The following SETD3 variants were observed in gnomAD, a reference collection of about 807,000 sequenced individuals.
The protein encoded by SETD3 is actin-histidine N-methyltransferase.
SETD3 carries 19 observed loss-of-function variants against 63.0 expected under a neutral mutation model. The observed-to-expected ratio is 0.30, with a 90% CI of 0.21 to 0.44. SETD3 has a LOEUF of 0.44. Ranked by LOEUF, SETD3 falls within the 20% of genes least tolerant of loss-of-function variation. SETD3 has a pLI of 1.00. For synonymous variants in SETD3, 286 were observed against 264.1 expected (o/e 1.08, Z -0.80); for missense variants, 587 against 728.5 (o/e 0.81, Z 2.24).
rs560231262 is a variant in SETD3 at position 99,442,791 on chromosome 14, G to T, written c.675+15488C>A. On this transcript the variant is annotated intron_variant, in intron 6 of 12. Transcript: ENST00000331768. ...AGTTTTGGGGAGTTAGAAGTTATATGGATTTCGACTGCATGGGGTGGGGTC... is the reference window on the plus strand; with the variant it reads ...AGTTTTGGGGAGTTAGAAGTTATATTGATTTCGACTGCATGGGGTGGGGTC... 4.6e-5 allele frequency among the ~76,000 whole-genome samples: 7 copies of T among 152,304 alleles called. No homozygotes were observed. The South Asian group carries it at 1.5e-3, about 32-fold the overall frequency.
At position 99,405,303 on chromosome 14, in the gene SETD3, A is replaced by G; in HGVS notation, c.993T>C (p.Asn331=). The G allele has an allele frequency of 1.2e-6, 2 of 1,603,134 alleles. No individual in the cohort carries two copies. The highest frequency in any genetic ancestry group is 1.7e-6 in the Non-Finnish European group (2 of 1,173,660). Residue 331 remains asparagine (N), a synonymous_variant, in exon 10 of 13, where the codon AAT becomes AAC. Transcript: ENST00000331768. The part of the protein sequence containing the change: ...FVIHSGFFFD[N]NSHDRVKIKL... ...TTATTTTCACTCTGTCGTGTGAGTT[A>G]TTGTCAAAGAAAAAACCACTGTGGA...
chr14:99,457,678 G>C (rs1894835763), intron 6 of SETD3, among the ~76,000 whole-genome samples: 1 of 152,166 alleles, frequency 6.6e-6, no homozygotes, highest in Non-Finnish European at 1.5e-5. Context: ...TGTGGTACTG[G>C]CCCTGTTCCT....
At position 99,413,015 on chromosome 14, in the gene SETD3, T is replaced by C. The variant is rs1892088130; in HGVS notation, c.785A>G (p.Asp262Gly). The C allele has an allele frequency of 3.1e-6, 5 of 1,613,972 alleles. No homozygotes were observed. The highest frequency in any genetic ancestry group is 4.2e-6 in the Non-Finnish European group (5 of 1,180,000). ...CAGAGCCAGGGTCACGCGGGAACCA[T>C]CCTCTGTGGGAATTTGGTTTTGCCT... Reference protein sequence around the residue: ...MTRQNQIPTEDGSRVTLALIP... With the variant: ...MTRQNQIPTEGGSRVTLALIP... The change falls in exon 8 of 13, where the codon GAT becomes GGT. Residue 262 changes from aspartate (D) to glycine (G), a missense_variant. Asp to Gly is a moderately conservative substitution (Grantham distance 94, BLOSUM62 -1). Transcript: ENST00000331768.
intron 6 of SETD3, among the ~76,000 whole-genome samples, chr14:99,430,358 T>C (rs1357042559): frequency 6.6e-6 from 1 of 152,194 alleles, no homozygotes; most frequent in Non-Finnish European, 1.5e-5. Context: ...AAACAGAATA[T>C]GTGAAGCTTT....
intron 11 of SETD3, among the ~76,000 whole-genome samples, chr14:99,403,650 T>TAACTCTTTCTGGGCATGAAATAAGAGG (rs1208531963): frequency 6.6e-6 from 1 of 152,180 alleles, no homozygotes; most frequent in African/African-American, 2.4e-5. Flanking sequence ...TACAAATACT[T>TAACTCTTTCTGGGCATGAAATAAGAGG]AACTCTTTCT....
intron 6 of SETD3, among the ~76,000 whole-genome samples, chr14:99,453,765 G>T (rs1006315982): frequency 6.6e-6 from 1 of 151,914 alleles, no homozygotes; most frequent in Non-Finnish European, 1.5e-5. Flanking sequence ...GGCTGAGGTT[G>T]CAGTGAGCCG....
At chr14:99,423,868 T>C (rs190310859) in intron 6 of SETD3, among the ~76,000 whole-genome samples, 9 of 152,210 alleles carry the variant, frequency 5.9e-5, no homozygotes, top group Admixed American at 4.6e-4. Flanking sequence ...TCAAGTCTGA[T>C]TACTTCCTTT....
At position 99,399,114 on chromosome 14, in the gene SETD3, G is replaced by A. The variant is rs144181389; in HGVS notation, c.1350C>T (p.Ser450=). The A allele has an allele frequency of 4.7e-5, 76 of 1,612,142 alleles. No individual in the cohort carries two copies. In the African/African-American group the frequency reaches 8.6e-4, roughly 18 times the overall value. ...CAGAAAGATCGTGGTTTTTCAAGAC[G>A]GATTTATCTTCCTGGAAAACAAGAG... is the stretch of plus-strand genomic sequence containing the variant. The part of the protein sequence containing the change: ...TYKTTIEEDK[S]VLKNHDLSVR... The change falls in exon 13 of 13, where the codon TCC becomes TCT. Residue 450 remains serine, a synonymous_variant. Transcript: ENST00000331768.
At chr14:99,401,421 G>T (rs1191425624) in intron 11 of SETD3, among the ~76,000 whole-genome samples, 1 of 152,184 alleles carries the variant, frequency 6.6e-6, no homozygotes, top group African/African-American at 2.4e-5. Context: ...ATGCCCCACA[G>T]CTGTCACTAT....
chr14:99,434,165 C>G (rs183337318), intron 6 of SETD3, among the ~76,000 whole-genome samples: 1 of 123,684 alleles, frequency 8.1e-6, no homozygotes, highest in Non-Finnish European at 1.6e-5. Flanking sequence ...AAATGTCCAT[C>G]GACAGAACAG....
chr14:99,459,603 T>G (rs535637506), intron 4 of SETD3, among the ~76,000 whole-genome samples: 9 of 152,372 alleles, frequency 5.9e-5, no homozygotes, highest in Non-Finnish European at 1.0e-4. Flanking sequence ...GAATTACTAC[T>G]ACTACTGAGT....
At chr14:99,405,417 G>T in intron 9 of SETD3, 46 bp from the exon 10 acceptor site, 1 of 1,588,218 alleles carries the variant, frequency 6.3e-7, no homozygotes, top group Non-Finnish European at 8.6e-7. Context: ...GACAAACTTG[G>T]CATGTATTCT....
chr14:99,461,438 G>A (rs1895056485), intron 3 of SETD3, 98 bp from the exon 4 acceptor site: 2 of 1,237,568 alleles, frequency 1.6e-6, no homozygotes, highest in Non-Finnish European at 2.3e-6. Context: ...ACTAACACTG[G>A]AAATAGTCTT....
At chr14:99,442,481 C>T (rs1476978784) in intron 6 of SETD3, among the ~76,000 whole-genome samples, 1 of 152,086 alleles carries the variant, frequency 6.6e-6, no homozygotes, top group Non-Finnish European at 1.5e-5. Context: ...CTGAGTGGGT[C>T]CACTTATACA....
rs1283503052 is a variant in SETD3 at position 99,404,302 on chromosome 14, A to T, written c.1100T>A (p.Val367Asp). 2 of 1,614,120 alleles carry T rather than the reference A, an allele frequency of 1.2e-6. No individual in the cohort carries two copies. Among genetic ancestry groups the T allele is most frequent in the South Asian group, 2.2e-5 (2 of 91,080 alleles). The change falls in exon 11 of 13, where the codon GTT (valine) becomes GAT (aspartate). Residue 367 changes from valine (V) to aspartate (D), a missense_variant. Physicochemically the swap from Val to Asp is radical, Grantham distance 152. Coordinates refer to ENST00000331768, the MANE Select transcript of SETD3 (RefSeq NM_032233.3). The stretch of plus-strand genomic sequence containing the variant: ...CGGCTCGGTAAAATGCAATGCAAAA[A>T]CACTGGAACTGATAAAAGCAGAAAG... Reference protein sequence around the residue: ...LARAGIPTSSVFALHFTEPPI... With the variant: ...LARAGIPTSSDFALHFTEPPI...
At chr14:99,407,033 C>T (rs1156544551) in intron 8 of SETD3, among the ~76,000 whole-genome samples, 1 of 152,104 alleles carries the variant, frequency 6.6e-6, no homozygotes, top group Non-Finnish European at 1.5e-5. Context: ...TTAAGAAATC[C>T]AAGTGGGTGT....
At chr14:99,447,358 G>T (rs1225141331) in intron 6 of SETD3, among the ~76,000 whole-genome samples, 1 of 152,218 alleles carries the variant, frequency 6.6e-6, no homozygotes, top group East Asian at 1.9e-4. Context: ...TTCACAGAAG[G>T]TGAAGTCTCC....
intron 2 of SETD3, among the ~76,000 whole-genome samples, chr14:99,465,227 C>T (rs1895300455): frequency 6.6e-6 from 1 of 152,202 alleles, no homozygotes; most frequent in Non-Finnish European, 1.5e-5. Context: ...AAGGCCAGGT[C>T]TCCAAGAGGC....
intron 1 of SETD3, among the ~76,000 whole-genome samples, chr14:99,477,786 A>T (rs1221946245): frequency 1.3e-5 from 2 of 150,834 alleles, no homozygotes; most frequent in Non-Finnish European, 3.0e-5. Context: ...CTTCTTTGTA[A>T]TAGGAAAATA....
Sources: gnomAD v4.1 joint callset for allele counts (sites outside exome capture counted in the v4.1 genomes callset) on GRCh38, gnomAD v4.1.1 for gene constraint, MANE v1.5 for transcripts, NCBI Gene and HGNC (gene_info 2026-07-23, HGNC 2026-07-21) for gene names.